Variants in FHIP1A observed in about 807,000 individuals in gnomAD.
The protein encoded by FHIP1A is FHF complex subunit HOOK-interacting protein 1A.
A neutral mutation model predicts 88.6 loss-of-function variants in FHIP1A; 61 were observed. That is an observed-to-expected ratio of 0.69 (90% CI 0.56 to 0.85). The LOEUF (loss-of-function observed/expected upper bound fraction) is 0.85. Ranked by LOEUF, FHIP1A falls within the 40% of genes least tolerant of loss-of-function variation. FHIP1A has a pLI of 0.00. For missense variants in FHIP1A, 1,154 were observed against 1,273.5 expected (o/e 0.91, Z 1.43); for synonymous variants, 478 against 496.0 (o/e 0.96, Z 0.48).
Position 151,613,673 on chromosome 4 carries a change from A to T in FHIP1A, c.979-16029A>T, listed in dbSNP as rs558505353. Among the ~76,000 whole-genome samples the T allele has an allele frequency of 2.3e-4, 35 of 152,344 alleles. 2 individuals carry two copies. In the South Asian group the frequency reaches 7.3e-3, roughly 32 times the overall value. On this transcript the variant is annotated intron_variant, in intron 7 of 13. Coordinates refer to ENST00000435205, the MANE Select transcript of FHIP1A (RefSeq NM_001109977.3). ...AGTGTAGTTGTACTTGATGGTCATA[A>T]TGACCAGGAGGCTTTGTGATGGTGG...
intron 3 of FHIP1A, among the ~76,000 whole-genome samples, chr4:151,551,543 A>G (rs1466375580): frequency 2.2e-5 from 3 of 136,534 alleles, no homozygotes; most frequent in African/African-American, 8.1e-5. Flanking sequence ...ATCTACAACC[A>G]TCTGATCTTT....
In FHIP1A at chr4:151,662,695, C is replaced by G; in HGVS notation, c.3064C>G (p.Gln1022Glu). 6.4e-7 allele frequency: 1 copy of G among 1,551,100 alleles called. No individual in the cohort carries two copies. The highest frequency in any genetic ancestry group is 8.7e-7 in the Non-Finnish European group (1 of 1,146,922). ...CCTGAAGGAGCTGGCGGCCTTGGCCCAGGAACACTCCATTCTGTGCTACAA... is the reference window on the plus strand; with the variant it reads ...CCTGAAGGAGCTGGCGGCCTTGGCCGAGGAACACTCCATTCTGTGCTACAA... ...EFLKELAALA[Q>E]EHSILCYKIL... The change falls in exon 14 of 14, where the codon CAG becomes GAG. Residue 1022 changes from glutamine (Q) to glutamate (E), a missense_variant. Coordinates refer to ENST00000435205, the MANE Select transcript of FHIP1A (RefSeq NM_001109977.3).
rs74327398 is a variant in FHIP1A at position 151,485,282 on chromosome 4, G to GTTTTTTTTTTTTTTTTTTTTTT, written c.-123+2654_-123+2655insTTTTTTTTTTTTTTTTTTTTTT. Among the ~76,000 whole-genome samples the GTTTTTTTTTTTTTTTTTTTTTT allele has an allele frequency of 1.9e-4, 22 of 118,734 alleles. 1 individual carries two copies. The highest frequency in any genetic ancestry group is 4.2e-4 in the Admixed American group (5 of 11,800). The allele number at this position is 118,734 out of a possible 152,430, so 77.9% of individuals were successfully genotyped here. A position where few individuals can be genotyped will look rare whatever the true frequency, so the allele number is the denominator to read the frequency against. On this transcript the variant is annotated intron_variant, in intron 3 of 13. Transcript: ENST00000435205. ...TCGAGCATAGTTTGGATCTTTTCCAGTTTTTTTTTTTTTTTTTTTTGTCTG... is the reference window on the plus strand; with the variant it reads ...TCGAGCATAGTTTGGATCTTTTCCAGTTTTTTTTTTTTTTTTTTTTTTTTTTTTTTTTTTTTTTTTTTGTCTG...
intron 1 of FHIP1A, among the ~76,000 whole-genome samples, chr4:151,435,118 C>T (rs1028816392): frequency 6.6e-6 from 1 of 152,002 alleles, no homozygotes; most frequent in African/African-American, 2.4e-5. Flanking sequence ...TGGGAACATT[C>T]CAATTCTTCT....
At chr4:151,492,009 A>G (rs1730299921) in intron 3 of FHIP1A, among the ~76,000 whole-genome samples, 1 of 152,178 alleles carries the variant, frequency 6.6e-6, no homozygotes. Flanking sequence ...TAAAAAAATT[A>G]CTACTACACC....
chr4:151,493,637 AT>A (rs1415340985), intron 3 of FHIP1A, among the ~76,000 whole-genome samples: 4 of 152,206 alleles, frequency 2.6e-5, no homozygotes, highest in Non-Finnish European at 5.9e-5. Context: ...GATCAAGTGG[AT>A]TTCATACCAG....
intron 7 of FHIP1A, among the ~76,000 whole-genome samples, chr4:151,592,778 T>A (rs1278469796): frequency 6.6e-6 from 1 of 152,236 alleles, no homozygotes; most frequent in Non-Finnish European, 1.5e-5. Context: ...TAGATCCCAT[T>A]TATCAATTTT....
chr4:151,568,866 A>G (rs376098953), intron 4 of FHIP1A, among the ~76,000 whole-genome samples: 1 of 152,204 alleles, frequency 6.6e-6, no homozygotes, highest in African/African-American at 2.4e-5. Context: ...GCTCAATTTC[A>G]GCTTTTTTGG....
chr4:151,521,517 T>C (rs1441579767), intron 3 of FHIP1A, among the ~76,000 whole-genome samples: 2 of 152,180 alleles, frequency 1.3e-5, no homozygotes, highest in Non-Finnish European at 2.9e-5. Context: ...CTGATAGCTG[T>C]AGCTTGTAGG....
chr4:151,429,848 CAAAAAAAAAA>C (rs34699507), intron 1 of FHIP1A, among the ~76,000 whole-genome samples: 2,898 of 105,604 alleles, frequency 0.027, 102 homozygotes, highest in African/African-American at 0.094. Context: ...GACTCTATCT[CAAAAAAAAAA>C]AAAAAAAAAA....
chr4:151,609,127 G>A (rs1261085010), intron 7 of FHIP1A, among the ~76,000 whole-genome samples: 5 of 152,168 alleles, frequency 3.3e-5, no homozygotes, highest in Non-Finnish European at 7.3e-5. Flanking sequence ...GAATGGAAAT[G>A]TTATCAGCTT....
chr4:151,646,494 G>A (rs1031957923), intron 9 of FHIP1A, 64 bp from the exon 10 acceptor site: 59 of 1,174,068 alleles, frequency 5.0e-5, no homozygotes, highest in Non-Finnish European at 7.0e-5. Context: ...TTATGGTTTA[G>A]TTAGTCCCAG....
chr4:151,581,466 T>C (rs1407431548), intron 5 of FHIP1A, among the ~76,000 whole-genome samples: 2 of 152,208 alleles, frequency 1.3e-5, no homozygotes, highest in African/African-American at 2.4e-5. Flanking sequence ...ACAAGAAGAT[T>C]TCCATTTAAC....
chr4:151,591,506 A>C (rs1391058537), intron 7 of FHIP1A, among the ~76,000 whole-genome samples: 1 of 152,000 alleles, frequency 6.6e-6, no homozygotes, highest in Non-Finnish European at 1.5e-5. Flanking sequence ...CAGAATGTGC[A>C]GGTTTGTTAC....
chr4:151,616,444 CTTTTTT>C (rs763599410), intron 7 of FHIP1A, among the ~76,000 whole-genome samples: 1 of 113,386 alleles, frequency 8.8e-6, no homozygotes, highest in South Asian at 2.9e-4. Context: ...TTCTTTCTTT[CTTTTTT>C]TTTTTTTTTT....
chr4:151,558,552 A>G (rs914017851), intron 3 of FHIP1A, among the ~76,000 whole-genome samples: 1 of 152,108 alleles, frequency 6.6e-6, no homozygotes, highest in Non-Finnish European at 1.5e-5. Flanking sequence ...AAAACAAAAC[A>G]AAACAAACAA....
intron 1 of FHIP1A, among the ~76,000 whole-genome samples, chr4:151,437,255 A>G (rs981201561): frequency 6.6e-6 from 1 of 152,070 alleles, no homozygotes; most frequent in Non-Finnish European, 1.5e-5. Context: ...ATATATGTAT[A>G]TAGTATGCCA....
At chr4:151,454,577 A>G (rs959387068) in intron 1 of FHIP1A, 124 bp from the exon 2 acceptor site, 2 of 152,210 alleles carry the variant, frequency 1.3e-5, no homozygotes, top group African/African-American at 2.4e-5. Flanking sequence ...AGTCCAATGA[A>G]GAAAACAGAG....
intron 2 of FHIP1A, among the ~76,000 whole-genome samples, chr4:151,476,195 G>T (rs1167055397): frequency 1.4e-5 from 2 of 144,028 alleles, no homozygotes; most frequent in African/African-American, 2.6e-5. Flanking sequence ...AGGCTGGAGC[G>T]CAGTGGCAAG....
Sources: gnomAD v4.1 joint callset for allele counts (sites outside exome capture counted in the v4.1 genomes callset) on GRCh38, gnomAD v4.1.1 for gene constraint, MANE v1.5 for transcripts, NCBI Gene and HGNC (gene_info 2026-07-23, HGNC 2026-07-21) for gene names.